Variants in CEP170B observed in about 807,000 individuals in gnomAD.
CEP170B encodes centrosomal protein 170B.
A neutral mutation model predicts 120.6 loss-of-function variants in CEP170B; 55 were observed. The ratio of observed to expected loss-of-function variants is 0.46; its 90% CI spans 0.37 to 0.57. The LOEUF (loss-of-function observed/expected upper bound fraction) is 0.57, where lower values mean the gene tolerates loss of function less well. Among genes scored for constraint, CEP170B ranks in the 20% least tolerant of loss-of-function variants. The pLI, the probability that CEP170B is intolerant of heterozygous loss-of-function variation, is 0.00. For synonymous variants in CEP170B, 1,033 were observed against 954.5 expected (o/e 1.08, Z -1.52); for missense variants, 2,212 against 2,253.3 (o/e 0.98, Z 0.37).
Position 104,883,233 on chromosome 14 carries a change from C to T in CEP170B, c.776C>T (p.Ala259Val), listed in dbSNP as rs41304371. 2.1e-3 allele frequency: 3,381 copies of T among 1,611,214 alleles called. 29 individuals carry two copies. The African/African-American group carries it at 0.025, about 12-fold the overall frequency. Residue 259 changes from alanine to valine, a missense_variant, in exon 8 of 19, where the codon GCG becomes GTG. Coordinates refer to ENST00000414716, the MANE Select transcript of CEP170B (RefSeq NM_001112726.3). ...GATGCAGAGGCAGGTGGGGGCGGAG[C>T]GGCCCCTGTGGTGCAGAGCCACGCC... ...TKDAEAGGGG[A>V]APVVQSHASF...
At position 104,893,665 on chromosome 14, in the gene CEP170B, A is replaced by G; in HGVS notation, c.4181A>G (p.Glu1394Gly). 6.3e-7 allele frequency: 1 copy of G among 1,585,048 alleles called. No individual in the cohort carries two copies. The highest frequency in any genetic ancestry group is 1.8e-5 in the Admixed American group (1 of 55,574). Residue 1394 changes from glutamate to glycine, a missense_variant and splice_region_variant, in exon 15 of 19, where the codon GAG (glutamate) becomes GGG (glycine). Coordinates refer to ENST00000414716, the MANE Select transcript of CEP170B (RefSeq NM_001112726.3). ...ANKTRPRNRE[E>G]VIFDNLMLNP... Reference sequence around the variant, plus strand: ...AAGACGCGGCCTCGGAACCGAGAGGAGGCACGGTGCCCACTACCGCCACGG... The same window carrying G: ...AAGACGCGGCCTCGGAACCGAGAGGGGGCACGGTGCCCACTACCGCCACGG...
At position 104,870,798 on chromosome 14, in the gene CEP170B, C is replaced by G. The variant is rs150869689; in HGVS notation, c.105+2243C>G. Among the ~76,000 whole-genome samples the G allele has an allele frequency of 1.0e-3, 152 of 152,236 alleles. 1 individual carries two copies. In the South Asian group the frequency reaches 0.011, roughly 11 times the overall value. ...TGGGTGGGCCTGCATTTCTACCCCTCGCTGTTGTGGGTGGTGTCACCATTG... is the reference window on the plus strand; with the variant it reads ...TGGGTGGGCCTGCATTTCTACCCCTGGCTGTTGTGGGTGGTGTCACCATTG... On this transcript the variant is annotated intron_variant, in intron 2 of 18. Coordinates refer to ENST00000414716, the MANE Select transcript of CEP170B (RefSeq NM_001112726.3). The surrounding 1 kb of genome is among the most constrained non-coding windows in gnomAD (Gnocchi z 4.1).
At position 104,887,067 on chromosome 14, in the gene CEP170B, C is replaced by G; in HGVS notation, c.2828C>G (p.Pro943Arg). ...VDAECEGGST[P>R]RPPEDALSGD... ...GCCGAGTGTGAGGGGGGCAGCACCC[C>G]GAGGCCGCCGGAGGACGCCCTGTCT... Residue 943 changes from proline to arginine, a missense_variant, in exon 12 of 19, where the codon CCG (proline) becomes CGG (arginine). Physicochemically the swap from Pro to Arg is moderately radical, Grantham distance 103. Coordinates refer to ENST00000414716, the MANE Select transcript of CEP170B (RefSeq NM_001112726.3). The G allele has an allele frequency of 6.2e-7, 1 of 1,611,448 alleles. No individual in the cohort carries two copies. Among genetic ancestry groups the G allele is most frequent in the Non-Finnish European group, 8.5e-7 (1 of 1,179,746 alleles).
intron 2 of CEP170B, among the ~76,000 whole-genome samples, chr14:104,869,702 G>T (rs1375516875): frequency 6.6e-6 from 1 of 152,174 alleles, no homozygotes; most frequent in Non-Finnish European, 1.5e-5. Context: ...CTTAAAAAGA[G>T]GCCAGAGGAA....
At position 104,889,905 on chromosome 14, in the gene CEP170B, AATGGATGG is replaced by A. The variant is rs1160408059; in HGVS notation, c.3878+187_3878+194del. On this transcript the variant is annotated intron_variant, in intron 13 of 18. Coordinates refer to ENST00000414716, the MANE Select transcript of CEP170B (RefSeq NM_001112726.3). The stretch of plus-strand genomic sequence containing the variant: ...GGCTGGCTGGCTGGATGGATGGACA[AATGGATGG>A]ATGGATGGATGGATGGATGGATGGA... 104 of 137,172 alleles carry A rather than the reference AATGGATGG, an allele frequency of 7.6e-4. 1 individual carries two copies. Among genetic ancestry groups the A allele is most frequent in the Non-Finnish European group, 1.1e-3 (69 of 61,844 alleles). 8.5% of individuals were successfully genotyped at this position (137,172 alleles called of 1,614,324 possible). A position where few individuals can be genotyped will look rare whatever the true frequency, so the allele number is the denominator to read the frequency against.
intron 12 of CEP170B, 28 bp downstream of exon 12, chr14:104,888,006 G>A (rs761007184): frequency 6.9e-7 from 1 of 1,459,540 alleles, no homozygotes; most frequent in Non-Finnish European, 9.0e-7. Flanking sequence ...TGGGAGGCCA[G>A]GGCCAAGACA....
chr14:104,871,562 A>C (rs1282740003), intron 2 of CEP170B, among the ~76,000 whole-genome samples: 1 of 152,130 alleles, frequency 6.6e-6, no homozygotes, highest in Non-Finnish European at 1.5e-5. Context: ...TCCACTGGGC[A>C]GGGTGTCAAG....
chr14:104,883,746 A>G, intron 8 of CEP170B, 85 bp from the exon 9 acceptor site: 1 of 1,324,518 alleles, frequency 7.5e-7, no homozygotes, highest in East Asian at 2.5e-5. Flanking sequence ...AACTCAGCTA[A>G]GGCATGGGGT....
Position 104,883,987 on chromosome 14 carries a change from C to T in CEP170B, c.1208C>T (p.Ala403Val). 6.2e-7 allele frequency: 1 copy of T among 1,610,698 alleles called. No individual in the cohort carries two copies. The highest frequency in any genetic ancestry group is 1.1e-5 in the South Asian group (1 of 90,752). The change falls in exon 9 of 19, where the codon GCC becomes GTC. Residue 403 changes from alanine (A) to valine (V), a missense_variant. Transcript: ENST00000414716. Reference protein sequence around the residue: ...DPQELLHNQQAFVIEFFDEDT... With the variant: ...DPQELLHNQQVFVIEFFDEDT... ...CAGGAGCTACTACATAACCAGCAGG[C>T]CTTTGTCATCGAGTTCTTCGACGAG...
chr14:104,889,590 C>T (rs781052518), intron 12 of CEP170B, 30 bp from the exon 13 acceptor site: 18 of 1,607,738 alleles, frequency 1.1e-5, no homozygotes, highest in Non-Finnish European at 1.5e-5. Flanking sequence ...CACGGCTCCC[C>T]CAAACACACA....
rs773915837 is a variant in CEP170B at position 104,889,679 on chromosome 14, C to T, written c.3799C>T (p.Arg1267Trp). Reference sequence around the variant, plus strand: ...GGCTCGTTCCCGGGCCCCCGGCCCCCGGGACACGGACGACGATGAGGAGGA... The same window carrying T: ...GGCTCGTTCCCGGGCCCCCGGCCCCTGGGACACGGACGACGATGAGGAGGA... ...SRARSRAPGP[R>W]DTDDDEEEPD... Residue 1267 changes from arginine (R) to tryptophan (W), a missense_variant, in exon 13 of 19, where the codon CGG becomes TGG. Physicochemically the swap from Arg to Trp is moderately radical, Grantham distance 101 (BLOSUM62 -3). Around this residue, in one of 2 missense-constraint regions of CEP170B, gnomAD observed 2,166 missense variants for 2,166.7 expected, o/e 1.00. Transcript: ENST00000414716. 1.6e-5 allele frequency: 25 copies of T among 1,611,988 alleles called. No homozygotes were observed. Among genetic ancestry groups the T allele is most frequent in the African/African-American group, 6.7e-5 (5 of 74,852 alleles).
At position 104,880,270 on chromosome 14, in the gene CEP170B, G is replaced by T. The variant is rs114271411; in HGVS notation, c.334-17G>T. ...GAGGCTGGGCCCAGTACCTCACCCC[G>T]CCTGGCCTGCCCACAGCATGAAAAG... On this transcript the variant is annotated splice_polypyrimidine_tract_variant and intron_variant, in intron 5 of 18. Coordinates refer to ENST00000414716, the MANE Select transcript of CEP170B (RefSeq NM_001112726.3). 41 of 1,577,852 alleles carry T rather than the reference G, an allele frequency of 2.6e-5. No homozygotes were observed. The African/African-American group carries it at 5.4e-4, about 21-fold the overall frequency.
intron 14 of CEP170B, 125 bp downstream of exon 14, chr14:104,893,260 G>C: frequency 2.4e-6 from 3 of 1,225,236 alleles, no homozygotes; most frequent in Non-Finnish European, 3.3e-6. Context: ...TGGCGAGCTG[G>C]AACATGTCCC....
At chr14:104,872,534 G>A (rs1895629848) in intron 2 of CEP170B, among the ~76,000 whole-genome samples, 1 of 152,008 alleles carries the variant, frequency 6.6e-6, no homozygotes. Context: ...ACATGTGCAT[G>A]TCTGTAGGTG....
Position 104,891,010 on chromosome 14 carries a change from G to C in CEP170B, c.3878+1252G>C, listed in dbSNP as rs1423350884. Among the ~76,000 whole-genome samples the C allele has an allele frequency of 1.4e-5, 2 of 141,594 alleles. No individual in the cohort carries two copies. Among genetic ancestry groups the C allele is most frequent in the Admixed American group, 1.4e-4 (2 of 14,392 alleles). 92.9% of individuals were successfully genotyped at this position (141,594 alleles called of 152,430 possible). ...ATGGGTGGGTGGGTGTGGATGGATG[G>C]ATGAGTGGGTGGGTGGATGGATGGA... On this transcript the variant is annotated intron_variant, in intron 13 of 18. Coordinates refer to ENST00000414716, the MANE Select transcript of CEP170B (RefSeq NM_001112726.3). The surrounding 1 kb of genome is among the most constrained non-coding windows in gnomAD (Gnocchi z 4.3).
intron 2 of CEP170B, among the ~76,000 whole-genome samples, chr14:104,872,489 C>CGTGTGTGTGCCGTGTGTGCT (rs1566852825): frequency 2.6e-5 from 2 of 76,764 alleles, no homozygotes; most frequent in South Asian, 8.7e-4. Flanking sequence ...GCGTGTGTGC[C>CGTGTGTGTGCCGTGTGTGCT]GTGTGTGTGT....
At chr14:104,885,569 G>A in intron 10 of CEP170B, 27 bp downstream of exon 10, 1 of 1,536,468 alleles carries the variant, frequency 6.5e-7, no homozygotes, top group Non-Finnish European at 8.7e-7. Context: ...CCACCCCAAG[G>A]AGGGGCTGGG....
Position 104,865,978 on chromosome 14 carries a change from C to T in CEP170B, c.-28+465C>T, listed in dbSNP as rs1183735875. ...CCCTGCCTCTCCCGGCCTGTGCGCT[C>T]CTTCCACCGCCGGCCTGCCCCGCCC... On this transcript the variant is annotated intron_variant, in intron 1 of 18. Coordinates refer to ENST00000414716, the MANE Select transcript of CEP170B (RefSeq NM_001112726.3). This position sits in a 1 kb window ranked among gnomAD's most constrained non-coding sequence, Gnocchi z 6.7. Among the ~76,000 whole-genome samples, 1 of 152,180 alleles carries T rather than the reference C, an allele frequency of 6.6e-6. No homozygotes were observed. The highest frequency in any genetic ancestry group is 2.4e-5 in the African/African-American group (1 of 41,450).
intron 3 of CEP170B, 36 bp from the exon 4 acceptor site, chr14:104,877,849 G>GCCCCCC: frequency 6.3e-6 from 2 of 315,686 alleles, no homozygotes; most frequent in South Asian, 3.3e-5. Context: ...CACCCGCGCA[G>GCCCCCC]CTCCCCCCCC....
Sources: allele counts gnomAD v4.1 joint callset (sites outside exome capture counted in the v4.1 genomes callset), GRCh38; gene constraint gnomAD v4.1.1; regional missense constraint gnomAD v4.1.1; non-coding constraint Gnocchi (gnomAD v3.1); transcripts MANE v1.5; gene names NCBI Gene and HGNC (gene_info 2026-07-23, HGNC 2026-07-21).